Variants in TTLL5 observed in about 807,000 individuals in gnomAD.
TTLL5 encodes the protein tubulin tyrosine ligase like 5.
Under a neutral mutation model 168.4 loss-of-function variants are expected in TTLL5, and 132 were observed. The ratio of observed to expected loss-of-function variants is 0.78; its 90% CI spans 0.68 to 0.91. The LOEUF is 0.91. Ranked by LOEUF, TTLL5 falls within the 40% of genes least tolerant of loss-of-function variation. The pLI, the probability that TTLL5 is intolerant of heterozygous loss-of-function variation, is 0.00. For missense variants in TTLL5, 1,545 were observed against 1,581.5 expected (o/e 0.98, Z 0.39); for synonymous variants, 546 against 558.6 (o/e 0.98, Z 0.32).
In TTLL5 at chr14:75,863,520, G is replaced by A. The variant is rs1419363245; in HGVS notation, c.3327-147G>A. 1.1e-5 allele frequency: 8 copies of A among 707,356 alleles called. 1 individual carries two copies. The highest frequency in any genetic ancestry group is 1.0e-4 in the South Asian group (4 of 38,190). The allele number at this position is 707,356 out of a possible 1,614,324, so 43.8% of individuals were successfully genotyped here. The stretch of plus-strand genomic sequence containing the variant: ...ATCATGGAGCTACGGTTTAGTGGGG[G>A]AGTGAGATAATATCACACAAGTAGA... On this transcript the variant is annotated intron_variant, in intron 28 of 31. Coordinates refer to ENST00000298832, the MANE Select transcript of TTLL5 (RefSeq NM_015072.5).
intron 24 of TTLL5, among the ~76,000 whole-genome samples, chr14:75,782,045 C>T (rs551446822): frequency 7.3e-5 from 11 of 151,564 alleles, no homozygotes; most frequent in East Asian, 3.9e-4. Flanking sequence ...ATAGTGGGAC[C>T]GCTCTTGCTG....
rs780559854 is a variant in TTLL5, at chr14:75,719,798, C to T, written c.906C>T (p.Tyr302=). 6.2e-6 allele frequency: 10 copies of T among 1,613,804 alleles called. No individual in the cohort carries two copies. Among genetic ancestry groups the T allele is most frequent in the Non-Finnish European group, 8.5e-6 (10 of 1,179,896 alleles). The change falls in exon 11 of 32, where the codon TAC becomes TAT. Residue 302 remains tyrosine (Y), a synonymous_variant. Coordinates refer to ENST00000298832, the MANE Select transcript of TTLL5 (RefSeq NM_015072.5). ...NKWSMSAMLR[Y]LKQEGRDTTA... ...GGAGCATGAGTGCTATGCTTAGGTACCTGAAACAAGAAGGCAGAGATACAA... is the reference window on the plus strand; with the variant it reads ...GGAGCATGAGTGCTATGCTTAGGTATCTGAAACAAGAAGGCAGAGATACAA...
rs544154712 is a variant in TTLL5 at position 75,756,823 on chromosome 14, G to A, written c.1550+3868G>A. Among the ~76,000 whole-genome samples, 4 of 152,024 alleles carry A rather than the reference G, an allele frequency of 2.6e-5. No homozygotes were observed. In the South Asian group the frequency reaches 8.3e-4, roughly 32 times the overall value. On this transcript the variant is annotated intron_variant, in intron 18 of 31. Coordinates refer to ENST00000298832, the MANE Select transcript of TTLL5 (RefSeq NM_015072.5). ...GCCTAGCCAGAAATTTTTTAAGAGT[G>A]TTAAATGAAAGGAAATTGAATGAGA...
chr14:75,951,589 G>A (rs1464856498), intron 31 of TTLL5, among the ~76,000 whole-genome samples: 1 of 151,370 alleles, frequency 6.6e-6, no homozygotes, highest in Non-Finnish European at 1.5e-5. Flanking sequence ...GCAAAACTCT[G>A]TCTCTACAAA....
At chr14:75,852,643 A>G (rs1896922396) in intron 28 of TTLL5, among the ~76,000 whole-genome samples, 1 of 152,246 alleles carries the variant, frequency 6.6e-6, no homozygotes. Context: ...TCTTATCTCA[A>G]GGTGTAAACT....
At chr14:75,729,424 A>G (rs1164956839) in intron 12 of TTLL5, among the ~76,000 whole-genome samples, 4 of 151,960 alleles carry the variant, frequency 2.6e-5, no homozygotes, top group Non-Finnish European at 5.9e-5. Flanking sequence ...TTCAATGCCC[A>G]TAGAAAATAC....
At chr14:75,770,489 G>C (rs1205949690) in intron 20 of TTLL5, among the ~76,000 whole-genome samples, 1 of 152,178 alleles carries the variant, frequency 6.6e-6, no homozygotes, top group Non-Finnish European at 1.5e-5. Context: ...CATTTGTGGG[G>C]ATTGTAAACA....
At chr14:75,898,663 C>G (rs2032783556) in intron 30 of TTLL5, among the ~76,000 whole-genome samples, 1 of 151,994 alleles carries the variant, frequency 6.6e-6, no homozygotes, top group Non-Finnish European at 1.5e-5. Context: ...AATAAAAATA[C>G]ATAGTTTATA....
intron 27 of TTLL5, among the ~76,000 whole-genome samples, chr14:75,797,492 A>G (rs1173809235): frequency 6.6e-6 from 1 of 152,074 alleles, no homozygotes; most frequent in Non-Finnish European, 1.5e-5. Context: ...GTCTTGTTCC[A>G]GTTTTCAAGG....
At chr14:75,896,305 G>A (rs1449334443) in intron 30 of TTLL5, among the ~76,000 whole-genome samples, 1 of 152,104 alleles carries the variant, frequency 6.6e-6, no homozygotes, top group African/African-American at 2.4e-5. Context: ...GTCAGGGTAT[G>A]TATTTTTTGT....
At chr14:75,768,032 A>G (rs1891064108) in intron 20 of TTLL5, among the ~76,000 whole-genome samples, 1 of 152,260 alleles carries the variant, frequency 6.6e-6, no homozygotes, top group African/African-American at 2.4e-5. Flanking sequence ...GTTCTGGGCT[A>G]AAGTCCAATA....
At chr14:75,689,678 G>A (rs971765239) in intron 5 of TTLL5, 7 of 157,228 alleles carry the variant, frequency 4.5e-5, no homozygotes, top group Non-Finnish European at 9.7e-5. Context: ...ACTGATACAT[G>A]CAACAATGAT....
At chr14:75,886,335 T>C (rs1566645804) in intron 30 of TTLL5, among the ~76,000 whole-genome samples, 2 of 152,202 alleles carry the variant, frequency 1.3e-5, no homozygotes, top group Non-Finnish European at 2.9e-5. Flanking sequence ...TCCTGTTTCT[T>C]TATGATAATA....
At chr14:75,940,059 C>T (rs549255733) in intron 31 of TTLL5, among the ~76,000 whole-genome samples, 8 of 150,552 alleles carry the variant, frequency 5.3e-5, no homozygotes, top group African/African-American at 2.0e-4. Flanking sequence ...ACCAGAGCTC[C>T]CTATAAAGAA....
chr14:75,711,319 C>G (rs1040503616), intron 9 of TTLL5: 2 of 152,166 alleles, frequency 1.3e-5, no homozygotes, highest in African/African-American at 4.8e-5. Context: ...CCAGGGGACA[C>G]TCAGTTTCCA....
At chr14:75,941,538 A>T (rs1404485432) in intron 31 of TTLL5, 1 of 152,182 alleles carries the variant, frequency 6.6e-6, no homozygotes, top group Non-Finnish European at 1.5e-5. Context: ...TTAAGTTTTT[A>T]ATTTTATTTT....
intron 5 of TTLL5, 43 bp downstream of exon 5, chr14:75,683,699 G>T: frequency 1.3e-6 from 2 of 1,488,556 alleles, no homozygotes; most frequent in South Asian, 2.3e-5. Flanking sequence ...AAAGGTACAT[G>T]ACATTGGGGC....
At chr14:75,773,822 G>A (rs1055845036) in intron 21 of TTLL5, among the ~76,000 whole-genome samples, 4 of 149,382 alleles carry the variant, frequency 2.7e-5, no homozygotes, top group Non-Finnish European at 4.5e-5. Context: ...CCTGGCAGGC[G>A]GAGGTTGCAG....
intron 27 of TTLL5, among the ~76,000 whole-genome samples, chr14:75,808,898 T>C (rs977079450): frequency 1.3e-5 from 2 of 152,052 alleles, no homozygotes; most frequent in African/African-American, 4.8e-5. Context: ...AGTGCTGGAT[T>C]ATAGGTGTGT....
Sources: allele counts gnomAD v4.1 joint callset (sites outside exome capture counted in the v4.1 genomes callset), GRCh38; gene constraint gnomAD v4.1.1; transcripts MANE v1.5; gene names NCBI Gene and HGNC (gene_info 2026-07-23, HGNC 2026-07-21).